SMC2: variants seen among roughly 807,000 people sequenced by gnomAD.
The protein encoded by SMC2 is structural maintenance of chromosomes protein 2.
In SMC2, 41 loss-of-function variants were observed where a neutral mutation model predicts 142.6. That is an observed-to-expected ratio of 0.29 (90% CI 0.22 to 0.37). SMC2 has a LOEUF of 0.37. Among genes scored for constraint, SMC2 ranks in the 10% least tolerant of loss-of-function variants. SMC2 has a pLI of 1.00. For missense variants in SMC2, 1,265 were observed against 1,373.7 expected, an observed-to-expected ratio of 0.92 and a Z score of 1.25; for synonymous variants, 463 against 457.5, an observed-to-expected ratio of 1.01 and a Z score of -0.15.
At chr9:104,129,881 G>C (rs775277812) in intron 21 of SMC2, 36 bp downstream of exon 21, 3 of 1,511,104 alleles carry the variant, frequency 2.0e-6, no homozygotes. Flanking sequence ...GGCCGCATTA[G>C]AACATGACTA....
chr9:104,139,251 G>A lies in SMC2; in HGVS notation c.3530G>A (p.Gly1177Glu). The A allele has an allele frequency of 4.4e-6, 7 of 1,601,458 alleles. No homozygotes were observed. Among genetic ancestry groups the A allele is most frequent in the Non-Finnish European group, 6.0e-6 (7 of 1,175,804 alleles). The change falls in exon 25 of 25, where the codon GGA (glycine) becomes GAA (glutamate). Residue 1177 changes from glycine (G) to glutamate (E), a missense_variant. This residue lies in a region of SMC2 where 192 missense variants were observed against 261.9 expected (regional missense o/e 0.73). Transcript: ENST00000374793. ...GCCAGATTTACTCAATGTCAAAATG[G>A]AAAGATTTCAAAGGAAGCAAAATCC... is the stretch of plus-strand genomic sequence containing the variant. ...TVARFTQCQN[G>E]KISKEAKSKA... is the part of the protein sequence containing the mutation.
At chr9:104,099,979 G>T (rs926054956) in intron 5 of SMC2, 114 bp from the exon 6 acceptor site, 11 of 681,040 alleles carry the variant, frequency 1.6e-5, no homozygotes, top group Non-Finnish European at 2.5e-5. Context: ...GTTCATTTGG[G>T]CCAACTTTTG....
chr9:104,095,711 G>A (rs1433692774), intron 2 of SMC2, among the ~76,000 whole-genome samples, 159 bp downstream of exon 2: 7 of 152,192 alleles, frequency 4.6e-5, no homozygotes, highest in African/African-American at 1.4e-4. Flanking sequence ...TACTCCTTTA[G>A]ATGAGAAAAT....
In SMC2 at chr9:104,135,229, A is replaced by AGATGATG. The variant is rs6151109; in HGVS notation, c.3269+654_3269+655insGATGATG. 6.8e-4 allele frequency among the ~76,000 whole-genome samples: 104 copies of AGATGATG among 152,180 alleles called. 1 individual carries two copies. Among genetic ancestry groups the AGATGATG allele is most frequent in the African/African-American group, 2.4e-3 (99 of 41,528 alleles). The stretch of plus-strand genomic sequence containing the variant: ...AAATGACAGATGATGCAAGTAGGAG[A>AGATGATG]CAAGTTAATCCAAGAAAACATGAAC... On this transcript the variant is annotated intron_variant, in intron 23 of 24. Transcript: ENST00000374793.
intron 3 of SMC2, among the ~76,000 whole-genome samples, chr9:104,097,754 G>A (rs1830620382): frequency 6.6e-6 from 1 of 152,104 alleles, no homozygotes; most frequent in Non-Finnish European, 1.5e-5. Flanking sequence ...GTCCTGTCAG[G>A]AAAAGAAATG....
At chr9:104,121,958 T>A (rs1833790253) in intron 16 of SMC2, among the ~76,000 whole-genome samples, 1 of 152,202 alleles carries the variant, frequency 6.6e-6, no homozygotes, top group African/African-American at 2.4e-5. Flanking sequence ...TTTCACCACG[T>A]TGGCCAGGTT....
At chr9:104,088,849 C>T in the SMC2 span, among the ~76,000 whole-genome samples, 1 of 152,094 alleles carries the variant, frequency 6.6e-6, no homozygotes, top group Non-Finnish European at 1.5e-5. Flanking sequence ...TGTATCCCAG[C>T]ACATAACACA....
At position 104,127,267 on chromosome 9, in the gene SMC2, T is replaced by TTTAA. The variant is rs759061172; in HGVS notation, c.2596-16_2596-13dup. On this transcript the variant is annotated intron_variant, in intron 19 of 24. Coordinates refer to ENST00000374793, the MANE Select transcript of SMC2 (RefSeq NM_006444.3). ...ACATGTTACCTCACCACATATTTTC[T>TTTAA]TTAATTTTTTTGTTTTAGGAGTCAG... The TTTAA allele has an allele frequency of 2.0e-6, 3 of 1,529,840 alleles. No individual in the cohort carries two copies. Among genetic ancestry groups the TTTAA allele is most frequent in the Non-Finnish European group, 2.6e-6 (3 of 1,137,498 alleles). 94.8% of individuals were successfully genotyped at this position (1,529,840 alleles called of 1,614,324 possible).
At chr9:104,123,262 C>T (rs1222600859) in intron 17 of SMC2, 30 bp downstream of exon 17, 1 of 1,603,048 alleles carries the variant, frequency 6.2e-7, no homozygotes. Flanking sequence ...TGCTTAATCT[C>T]TGGTTTTATT....
intron 9 of SMC2, among the ~76,000 whole-genome samples, chr9:104,108,897 G>C (rs918275889): frequency 6.6e-6 from 1 of 152,114 alleles, no homozygotes; most frequent in Non-Finnish European, 1.5e-5. Context: ...TAGAGAAATG[G>C]GGGTGGTCAG....
intron 4 of SMC2, among the ~76,000 whole-genome samples, chr9:104,099,023 A>G (rs1333062898): frequency 3.3e-5 from 5 of 152,248 alleles, no homozygotes; most frequent in African/African-American, 9.6e-5. Context: ...ATTATAGTAA[A>G]GTCGATGGGA....
intron 9 of SMC2, among the ~76,000 whole-genome samples, chr9:104,108,990 T>G (rs998577326): frequency 6.6e-6 from 1 of 151,910 alleles, no homozygotes; most frequent in Admixed American, 6.6e-5. Flanking sequence ...TGAAATAGAG[T>G]ATGGATTATT....
At chr9:104,131,899 A>G in intron 21 of SMC2, 110 bp from the exon 22 acceptor site, 2 of 618,628 alleles carry the variant, frequency 3.2e-6, no homozygotes, top group South Asian at 4.0e-5. Flanking sequence ...GGTAAATAGC[A>G]ATGTATGTAT....
At chr9:104,130,475 C>T (rs1209295255) in intron 21 of SMC2, among the ~76,000 whole-genome samples, 4 of 152,106 alleles carry the variant, frequency 2.6e-5, no homozygotes, top group African/African-American at 9.7e-5. Flanking sequence ...ATTAATGCCC[C>T]ATACCTTCCT....
rs140073048 is a variant in SMC2 at position 104,117,910 on chromosome 9, T to C, written c.1792-261T>C. 4.5e-3 allele frequency among the ~76,000 whole-genome samples: 683 copies of C among 152,318 alleles called. 7 individuals are homozygous for C. The highest frequency in any genetic ancestry group is 0.016 in the African/African-American group (646 of 41,584). Reference sequence around the variant, plus strand: ...TAGAAACATGGTAATGGCTCCTTATTGATAGAAACTTTCATAATGCTCCAT... The same window carrying C: ...TAGAAACATGGTAATGGCTCCTTATCGATAGAAACTTTCATAATGCTCCAT... On this transcript the variant is annotated intron_variant, in intron 14 of 24. Coordinates refer to ENST00000374793, the MANE Select transcript of SMC2 (RefSeq NM_006444.3).
In SMC2 at chr9:104,132,116, A is replaced by T. The variant is rs372330998; in HGVS notation, c.3099A>T (p.Ala1033=). 10 of 1,532,648 alleles carry T rather than the reference A, an allele frequency of 6.5e-6. No homozygotes were observed. In the African/African-American group the frequency reaches 1.4e-4, roughly 21 times the overall value. 94.9% of individuals were successfully genotyped at this position (1,532,648 alleles called of 1,614,324 possible). The change falls in exon 22 of 25, where the codon GCA becomes GCT. Residue 1033 remains alanine, a synonymous_variant. Transcript: ENST00000374793. The part of the protein sequence containing the change: ...DQKKNQALNI[A]WQKVNKDFGS... ...AGAAAAACCAAGCCCTAAATATTGC[A>T]TGGCAAAAGGTACTTTTTATGTTTG...
chr9:104,109,533 A>G (rs1288256399), intron 9 of SMC2, among the ~76,000 whole-genome samples: 1 of 152,234 alleles, frequency 6.6e-6, no homozygotes, highest in Non-Finnish European at 1.5e-5. Context: ...TACAGAAGCT[A>G]AAATATAAAT....
At chr9:104,101,346 A>T (rs1409005673) in intron 7 of SMC2, among the ~76,000 whole-genome samples, 1 of 152,174 alleles carries the variant, frequency 6.6e-6, no homozygotes, top group Non-Finnish European at 1.5e-5. Flanking sequence ...ATTTTACTGG[A>T]AAAATTGTAA....
At chr9:104,110,137 G>T (rs955945036) in intron 9 of SMC2, among the ~76,000 whole-genome samples, 1 of 152,086 alleles carries the variant, frequency 6.6e-6, no homozygotes, top group African/African-American at 2.4e-5. Context: ...TTTTCATCAC[G>T]TTTAATGCAG....
Sources: allele counts gnomAD v4.1 joint callset (sites outside exome capture counted in the v4.1 genomes callset), GRCh38; gene constraint gnomAD v4.1.1; regional missense constraint gnomAD v4.1.1; transcripts MANE v1.5; gene names NCBI Gene and HGNC (gene_info 2026-07-23, HGNC 2026-07-21).